The following MAP3K20 variants were observed in gnomAD, a reference collection of about 807,000 sequenced individuals.
The protein encoded by MAP3K20 is mitogen-activated protein kinase kinase kinase 20.
MAP3K20 carries 40 observed loss-of-function variants against 85.7 expected under a neutral mutation model. The ratio of observed to expected loss-of-function variants is 0.47; its 90% confidence interval spans 0.36 to 0.61. The LOEUF is 0.61. MAP3K20 is among the 20% of genes least tolerant of loss of function. The pLI, the probability that MAP3K20 is intolerant of heterozygous loss-of-function variation, is 0.00. For synonymous variants in MAP3K20, 325 were observed against 327.7 expected (o/e 0.99, Z 0.09); for missense variants, 817 against 961.7 (o/e 0.85, Z 1.99).
At chr2:173,261,850 C>T (rs1455380771) in intron 18 of MAP3K20, among the ~76,000 whole-genome samples, 1 of 151,938 alleles carries the variant, frequency 6.6e-6, no homozygotes, top group Non-Finnish European at 1.5e-5. Flanking sequence ...AACCCTATCT[C>T]TACAAAAAAT....
intron 2 of MAP3K20, among the ~76,000 whole-genome samples, chr2:173,158,024 G>A (rs531815632): frequency 1.3e-5 from 2 of 152,122 alleles, no homozygotes; most frequent in South Asian, 4.1e-4. Flanking sequence ...TGATAAGCAG[G>A]GCTTTGAGAT....
intron 1 of MAP3K20, among the ~76,000 whole-genome samples, chr2:173,082,710 C>G (rs908970539): frequency 8.5e-5 from 13 of 152,172 alleles, no homozygotes; most frequent in Non-Finnish European, 1.8e-4. Flanking sequence ...CTCCGTGCAC[C>G]CTCACTTTAT....
Position 173,209,564 on chromosome 2 carries a change from CTGAGTGATCTGA to C in MAP3K20, c.745-161_745-150del, listed in dbSNP as rs143711545. The C allele has an allele frequency of 7.9e-4, 444 of 565,080 alleles. 2 individuals are homozygous for C. The highest frequency in any genetic ancestry group is 7.4e-3 in the African/African-American group (391 of 53,098). The allele number at this position is 565,080 out of a possible 1,614,324, so 35.0% of individuals were successfully genotyped here. On this transcript the variant is annotated intron_variant, in intron 9 of 19. Coordinates refer to ENST00000375213, the MANE Select transcript of MAP3K20 (RefSeq NM_016653.3). ...AAATAAAGAATAGAGCTCCCTAAAC[CTGAGTGATCTGA>C]TGATTGTAAAATAACTACATCAGGA...
chr2:173,158,132 G>A (rs1247778503), intron 2 of MAP3K20, among the ~76,000 whole-genome samples: 2 of 152,206 alleles, frequency 1.3e-5, no homozygotes, highest in East Asian at 3.8e-4. Context: ...CTGTGAAAGG[G>A]TGATTAATAG....
At chr2:173,164,850 T>C (rs777274959) in intron 2 of MAP3K20, among the ~76,000 whole-genome samples, 21 of 152,312 alleles carry the variant, frequency 1.4e-4, no homozygotes, top group Non-Finnish European at 2.4e-4. Flanking sequence ...ACTGAGCTAA[T>C]GGCTCGTTTT....
intron 16 of MAP3K20, among the ~76,000 whole-genome samples, chr2:173,249,169 T>A (rs1254356651): frequency 1.3e-5 from 2 of 152,236 alleles, no homozygotes; most frequent in African/African-American, 4.8e-5. Flanking sequence ...ACAGTCATAG[T>A]TGTGACTCCT....
In MAP3K20 at chr2:173,256,631, G is replaced by A. The variant is rs961895701; in HGVS notation, c.1360-2068G>A. ...TATTTTCCTTTGTTTATCCCCAAAC[G>A]TTTTTATTATTAAATTATTTATACA... On this transcript the variant is annotated intron_variant, in intron 16 of 19. Coordinates refer to ENST00000375213, the MANE Select transcript of MAP3K20 (RefSeq NM_016653.3). Among the ~76,000 whole-genome samples the A allele has an allele frequency of 9.9e-5, 15 of 152,034 alleles. 1 individual carries two copies. The highest frequency in any genetic ancestry group is 3.1e-4 in the African/African-American group (13 of 41,392).
intron 2 of MAP3K20, among the ~76,000 whole-genome samples, chr2:173,101,873 A>G (rs1687648040): frequency 6.6e-6 from 1 of 152,172 alleles, no homozygotes; most frequent in South Asian, 2.1e-4. Context: ...TTTTTCACTG[A>G]TGCTTGACTC....
intron 2 of MAP3K20, among the ~76,000 whole-genome samples, chr2:173,145,548 A>G (rs1481911200): frequency 6.6e-6 from 1 of 152,216 alleles, no homozygotes; most frequent in Non-Finnish European, 1.5e-5. Context: ...AAGGATATCA[A>G]ATGAAAACCA....
intron 8 of MAP3K20, among the ~76,000 whole-genome samples, chr2:173,200,634 A>C (rs770302960): frequency 1.3e-5 from 2 of 152,078 alleles, no homozygotes; most frequent in Non-Finnish European, 2.9e-5. Flanking sequence ...AAATATTACA[A>C]AGAATCAAAA....
intron 2 of MAP3K20, among the ~76,000 whole-genome samples, chr2:173,118,469 T>A (rs913137994): frequency 7.9e-5 from 12 of 152,166 alleles, no homozygotes; most frequent in Admixed American, 5.9e-4. Flanking sequence ...TATGTTTTGG[T>A]TTTTTGAGGG....
chr2:173,158,847 G>C (rs940570867), intron 2 of MAP3K20, among the ~76,000 whole-genome samples: 2 of 152,234 alleles, frequency 1.3e-5, no homozygotes, highest in Admixed American at 1.3e-4. Flanking sequence ...AAGTGGCAGA[G>C]CCAACGTTGT....
intron 12 of MAP3K20, 43 bp from the exon 13 acceptor site, chr2:173,232,149 C>T: frequency 6.2e-7 from 1 of 1,613,274 alleles, no homozygotes; most frequent in African/African-American, 1.3e-5. Flanking sequence ...GGCCACTGAC[C>T]ATGTGTGAAT....
chr2:173,205,197 CAAAAGTTTTATAGTTTAA>C (rs1683643833), intron 9 of MAP3K20, among the ~76,000 whole-genome samples: 1 of 150,440 alleles, frequency 6.6e-6, no homozygotes, highest in African/African-American at 2.5e-5. Flanking sequence ...AAGAAAGGAA[CAAAAGTTTTATAGTTTAA>C]ATTTGTCCAG....
Position 173,217,137 on chromosome 2 carries a change from G to C in MAP3K20, c.874G>C (p.Glu292Gln), listed in dbSNP as rs772182075. Residue 292 changes from glutamate to glutamine, a missense_variant, in exon 11 of 20, where the codon GAG (glutamate) becomes CAG (glutamine). By Grantham distance (29) the Glu-to-Gln change is conservative (BLOSUM62 2). Coordinates refer to ENST00000375213, the MANE Select transcript of MAP3K20 (RefSeq NM_016653.3). ...CAGGTGCGAAATTGAGGCAACTCTT[G>C]AGAGGCTAAAGAAACTAGAGCGTGA... ...EWRCEIEATLERLKKLERDLS... is the reference protein window; with the variant it reads ...EWRCEIEATLQRLKKLERDLS... The C allele has an allele frequency of 5.1e-6, 8 of 1,582,110 alleles. No homozygotes were observed. In the Admixed American group the frequency reaches 1.4e-4, roughly 28 times the overall value.
At position 173,121,966 on chromosome 2, in the gene MAP3K20, G is replaced by A. The variant is rs567827381; in HGVS notation, c.159+30776G>A. Among the ~76,000 whole-genome samples, 181 of 152,304 alleles carry A rather than the reference G, an allele frequency of 1.2e-3. 3 individuals carry two copies. The South Asian group carries it at 0.02, about 17-fold the overall frequency. The stretch of plus-strand genomic sequence containing the variant: ...TAAGCCTTGGGGTGGCTGGGAAGGA[G>A]GCTGAATGACATCCGCAGAGCATAT... On this transcript the variant is annotated intron_variant, in intron 2 of 19. Transcript: ENST00000375213.
intron 2 of MAP3K20, among the ~76,000 whole-genome samples, chr2:173,107,277 G>A (rs1574018450): frequency 6.6e-6 from 1 of 152,212 alleles, no homozygotes; most frequent in Non-Finnish European, 1.5e-5. Context: ...CAGCTATTGC[G>A]AGGGCTGCCG....
intron 2 of MAP3K20, chr2:173,166,758 T>G (rs760729873): frequency 3.6e-4 from 55 of 152,222 alleles, no homozygotes; most frequent in Non-Finnish European, 6.2e-4. Flanking sequence ...TGTTTTCCTT[T>G]TAACAGTGAA....
chr2:173,199,266 A>G (rs556425539), intron 8 of MAP3K20, among the ~76,000 whole-genome samples: 6 of 152,312 alleles, frequency 3.9e-5, no homozygotes, highest in Non-Finnish European at 7.4e-5. Context: ...TTACCATATA[A>G]TTTTTCCTCC....
Sources: allele counts gnomAD v4.1 joint callset (sites outside exome capture counted in the v4.1 genomes callset), GRCh38; gene constraint gnomAD v4.1.1; transcripts MANE v1.5; gene names NCBI Gene and HGNC (gene_info 2026-07-23, HGNC 2026-07-21).